The following COG3 variants were observed in gnomAD, a reference collection of about 807,000 sequenced individuals.
COG3 encodes the protein component of oligomeric golgi complex 3.
Under a neutral mutation model 114.1 loss-of-function variants are expected in COG3, and 32 were observed. That is an observed-to-expected ratio of 0.28 (90% CI 0.21 to 0.38). The LOEUF (loss-of-function observed/expected upper bound fraction) is 0.38. Ranked by LOEUF, COG3 falls within the 10% of genes least tolerant of loss-of-function variation. The pLI, the probability that COG3 is intolerant of heterozygous loss-of-function variation, is 1.00. For missense variants in COG3, 813 were observed against 973.2 expected (o/e 0.84, Z 2.19); for synonymous variants, 352 against 365.7 (o/e 0.96, Z 0.43).
At chr13:45,473,939 C>T (rs1266701360) in intron 1 of COG3, among the ~76,000 whole-genome samples, 5 of 152,160 alleles carry the variant, frequency 3.3e-5, no homozygotes, top group African/African-American at 1.2e-4. Flanking sequence ...TCCTTTTATA[C>T]TCAGGGATTG....
chr13:45,465,455 A>G (rs1885079044), intron 1 of COG3: 1 of 558,102 alleles, frequency 1.8e-6, no homozygotes, highest in Non-Finnish European at 3.0e-6. Context: ...TGCTCGCCGG[A>G]ACCCAGTCCT....
intron 8 of COG3, 23 bp downstream of exon 8, chr13:45,486,598 G>A (rs374784883): frequency 2.8e-6 from 4 of 1,410,538 alleles, no homozygotes; most frequent in Non-Finnish European, 4.0e-6. Context: ...ACATAACTAG[G>A]ACATTGCTAT....
At chr13:45,489,292 T>G (rs914477388) in intron 8 of COG3, among the ~76,000 whole-genome samples, 2 of 77,444 alleles carry the variant, frequency 2.6e-5, no homozygotes, top group African/African-American at 8.4e-5. Context: ...CCAACCAGTT[T>G]AAAGGAATTT....
chr13:45,496,611 G>A (rs1868806281), intron 13 of COG3, among the ~76,000 whole-genome samples: 1 of 152,104 alleles, frequency 6.6e-6, no homozygotes, highest in South Asian at 2.1e-4. Context: ...AATTAAAGGA[G>A]ATAAAATTTA....
chr13:45,488,558 G>A (rs1221933645), intron 8 of COG3, among the ~76,000 whole-genome samples: 1 of 152,158 alleles, frequency 6.6e-6, no homozygotes, highest in Non-Finnish European at 1.5e-5. Context: ...ATGGTGAAGA[G>A]AGATTTGAGA....
In COG3 at chr13:45,536,653, G is replaced by A. The variant is rs775594139; in HGVS notation, c.*1922G>A. On this transcript the variant is annotated 3_prime_UTR_variant, in exon 23 of 23. Coordinates refer to ENST00000349995, the MANE Select transcript of COG3 (RefSeq NM_031431.4). ...TTGTCCTCACGTGTCTGATACGTGT[G>A]TGCATTCCTTGAGGAAAATTTCTTT... 2 of 152,174 alleles carry A rather than the reference G, an allele frequency of 1.3e-5. No homozygotes were observed. Among genetic ancestry groups the A allele is most frequent in the Non-Finnish European group, 2.9e-5 (2 of 68,020 alleles). 9.4% of individuals were successfully genotyped at this position (152,174 alleles called of 1,614,324 possible). A position where few individuals can be genotyped will look rare whatever the true frequency, so the allele number is the denominator to read the frequency against.
At chr13:45,469,550 A>G (rs1454928963) in intron 1 of COG3, among the ~76,000 whole-genome samples, 1 of 152,220 alleles carries the variant, frequency 6.6e-6, no homozygotes, top group African/African-American at 2.4e-5. Flanking sequence ...TTGATAATCT[A>G]AAAAAGAGAT....
intron 12 of COG3, 155 bp downstream of exon 12, chr13:45,493,641 C>T (rs1887152753): frequency 4.0e-6 from 2 of 500,430 alleles, no homozygotes; most frequent in African/African-American, 3.8e-5. Flanking sequence ...GAAGTTGCAC[C>T]TTATTCTGTC....
chr13:45,523,149 GTTT>G (rs68132374), intron 19 of COG3, among the ~76,000 whole-genome samples: 2 of 143,388 alleles, frequency 1.4e-5, no homozygotes, highest in African/African-American at 5.1e-5. Context: ...GCTTAAAAGT[GTTT>G]TTTTTTTTTT....
At chr13:45,508,068 T>TAAAAAAAAAAAAAAAA (rs10571583) in intron 14 of COG3, among the ~76,000 whole-genome samples, 2 of 32,272 alleles carry the variant, frequency 6.2e-5, no homozygotes, top group African/African-American at 2.5e-4. Flanking sequence ...AGGTCCAACC[T>TAAAAAAAAAAAAAAAA]AAAAAAAAAA....
intron 1 of COG3, 136 bp downstream of exon 1, chr13:45,465,346 TG>T: frequency 7.3e-7 from 1 of 1,360,840 alleles, no homozygotes; most frequent in Non-Finnish European, 9.7e-7. Context: ...GCGGATCCGG[TG>T]GGAGGGGCCT....
chr13:45,514,248 C>T (rs1001303558), intron 16 of COG3, among the ~76,000 whole-genome samples: 9 of 150,980 alleles, frequency 6.0e-5, no homozygotes. Context: ...GCAACCTCCA[C>T]CTCCTGGGTT....
chr13:45,529,948 G>T, intron 21 of COG3, 30 bp downstream of exon 21: 1 of 1,585,806 alleles, frequency 6.3e-7, no homozygotes, highest in Non-Finnish European at 8.6e-7. Context: ...TTTGAATGTT[G>T]GCGGGTGACT....
At chr13:45,508,404 A>G (rs1870465820) in intron 14 of COG3, among the ~76,000 whole-genome samples, 1 of 76,452 alleles carries the variant, frequency 1.3e-5, no homozygotes, top group Admixed American at 1.4e-4. Context: ...ATATATATAT[A>G]CACACACACA....
Position 45,525,003 on chromosome 13 carries a change from CAG to C in COG3, c.2183_2184del (p.Gln728ArgfsTer20). The C allele has an allele frequency of 6.2e-7, 1 of 1,613,776 alleles. No homozygotes were observed. ...KVSALKTMAS[Q>X]GGPKYTLSQQ... ...TTCAGCGTTAAAAACAATGGCCAGTCAGGGAGGCCCCAAGTATACTCTCTCAC... is the reference window on the plus strand; with the variant it reads ...TTCAGCGTTAAAAACAATGGCCAGTCGGAGGCCCCAAGTATACTCTCTCAC... On this transcript the variant is annotated frameshift_variant, in exon 20 of 23. Transcript: ENST00000349995. LOFTEE classifies it high-confidence loss of function.
At chr13:45,510,402 C>T (rs1441896106) in intron 15 of COG3, among the ~76,000 whole-genome samples, 1 of 152,228 alleles carries the variant, frequency 6.6e-6, no homozygotes, top group East Asian at 1.9e-4. Flanking sequence ...ACTTAGATGT[C>T]TCAGCCTTTT....
chr13:45,530,732 G>A lies in COG3; in HGVS notation c.2409G>A (p.Glu803=), dbSNP rs1301776529. The change falls in exon 22 of 23, where the codon GAG becomes GAA. Residue 803 remains glutamate, a synonymous_variant. Coordinates refer to ENST00000349995, the MANE Select transcript of COG3 (RefSeq NM_031431.4). ...FQKFHALLKE[E]FSPEDIQIIA... is the part of the protein sequence containing the mutation. ...AGTTCCACGCTCTGTTAAAGGAAGAGTTCAGCCCTGAAGACATCCAGATCA... is the reference window on the plus strand; with the variant it reads ...AGTTCCACGCTCTGTTAAAGGAAGAATTCAGCCCTGAAGACATCCAGATCA... 1.2e-6 allele frequency: 2 copies of A among 1,613,496 alleles called. No homozygotes were observed. The highest frequency in any genetic ancestry group is 3.3e-5 in the Admixed American group (2 of 60,024).
intron 22 of COG3, among the ~76,000 whole-genome samples, chr13:45,532,569 T>C (rs1873254026): frequency 1.7e-5 from 1 of 59,918 alleles, no homozygotes; most frequent in African/African-American, 4.0e-5. Context: ...TGTTTTTTTT[T>C]TTTTTTTTTT....
At chr13:45,531,200 G>A in intron 22 of COG3, 1 of 334,966 alleles carries the variant, frequency 3.0e-6, no homozygotes, top group Non-Finnish European at 4.3e-6. Context: ...TTCTTCAGTG[G>A]TGATTTGCAA....
Sources: gnomAD v4.1 joint callset for allele counts (sites outside exome capture counted in the v4.1 genomes callset) on GRCh38, gnomAD v4.1.1 for gene constraint, MANE v1.5 for transcripts, NCBI Gene and HGNC (gene_info 2026-07-23, HGNC 2026-07-21) for gene names.